Variants in EMC3 observed in about 807,000 individuals in gnomAD.
EMC3 encodes 30 kDa protein.
In EMC3, 13 loss-of-function variants were observed where a neutral mutation model predicts 36.6. The observed-to-expected ratio is 0.35, with a 90% CI of 0.23 to 0.56. The LOEUF (loss-of-function observed/expected upper bound fraction) is 0.56, where lower values mean the gene tolerates loss of function less well. Ranked by LOEUF, EMC3 falls within the 20% of genes least tolerant of loss-of-function variation. The pLI is 0.84. For missense variants in EMC3, 220 were observed against 324.5 expected (o/e 0.68, Z 2.47); for synonymous variants, 120 against 111.9 (o/e 1.07, Z -0.46).
intron 1 of EMC3, among the ~76,000 whole-genome samples, chr3:9,984,851 G>A (rs542302292): frequency 1.3e-5 from 2 of 152,326 alleles, no homozygotes; most frequent in African/African-American, 2.4e-5. Flanking sequence ...CCTGTGTGAC[G>A]CTGTAACGCA....
chr3:9,975,101 G>A (rs1174728958), intron 3 of EMC3, among the ~76,000 whole-genome samples: 1 of 151,836 alleles, frequency 6.6e-6, no homozygotes, highest in Non-Finnish European at 1.5e-5. Flanking sequence ...CTGACCTCAA[G>A]TGATCTGCCT....
At chr3:9,974,535 G>T (rs2085823217) in intron 3 of EMC3, 47 bp from the exon 4 acceptor site, 1 of 1,285,756 alleles carries the variant, frequency 7.8e-7, no homozygotes, top group Non-Finnish European at 1.1e-6. Context: ...TACCTCTGTT[G>T]CCAGGGACTT....
intron 1 of EMC3, among the ~76,000 whole-genome samples, chr3:9,998,441 T>A (rs1019011349): frequency 2.7e-5 from 4 of 149,946 alleles, no homozygotes; most frequent in African/African-American, 7.3e-5. Flanking sequence ...TTTAATTTTT[T>A]TTTTTATGTA....
At chr3:9,990,729 C>G (rs1204919692), upstream of EMC3, among the ~76,000 whole-genome samples, 1 of 151,798 alleles carries the variant, frequency 6.6e-6, no homozygotes, top group African/African-American at 2.4e-5. Context: ...AGGCTAGTCT[C>G]AAACTCCTGA....
intron 4 of EMC3, among the ~76,000 whole-genome samples, 167 bp downstream of exon 4, chr3:9,974,217 C>T (rs1233908449): frequency 1.3e-5 from 2 of 152,156 alleles, no homozygotes; most frequent in Non-Finnish European, 2.9e-5. Context: ...ACGTCATGAA[C>T]TTAGGATCAT....
At chr3:9,973,884 A>T (rs558911768) in intron 4 of EMC3, among the ~76,000 whole-genome samples, 175 bp from the exon 5 acceptor site, 1 of 152,332 alleles carries the variant, frequency 6.6e-6, no homozygotes, top group African/African-American at 2.4e-5. Context: ...ACTCTGCTCT[A>T]GTTTCCCTGA....
In EMC3 at chr3:9,986,716, C is replaced by A; in HGVS notation, c.-55G>T. On this transcript the variant is annotated 5_prime_UTR_variant, in exon 1 of 8. Transcript: ENST00000245046. ...ATGGGCGAGCTTCTCTTCTCCGGGG[C>A]ACAGTTGCTTCTCTTCGGCTTCGCC... 4 of 1,602,754 alleles carry A rather than the reference C, an allele frequency of 2.5e-6. No homozygotes were observed. The highest frequency in any genetic ancestry group is 2.2e-5 in the South Asian group (2 of 90,084).
intron 4 of EMC3, among the ~76,000 whole-genome samples, chr3:9,974,143 G>C (rs1057330570): frequency 6.6e-6 from 1 of 152,142 alleles, no homozygotes; most frequent in Non-Finnish European, 1.5e-5. Flanking sequence ...CGAGAATACC[G>C]TATTAGTTTT....
chr3:9,997,794 A>G (rs1203062324), intron 1 of EMC3, among the ~76,000 whole-genome samples: 2 of 152,074 alleles, frequency 1.3e-5, no homozygotes, highest in Non-Finnish European at 2.9e-5. Context: ...TTTTTTATCC[A>G]TTCATCCATT....
intron 3 of EMC3, among the ~76,000 whole-genome samples, chr3:9,975,729 G>A (rs375306726): frequency 6.0e-5 from 9 of 150,828 alleles, no homozygotes; most frequent in South Asian, 2.1e-4. Flanking sequence ...GGAGAATCGC[G>A]TGAACCCGGG....
At chr3:9,999,456 G>A (rs1005828574) in intron 1 of EMC3, among the ~76,000 whole-genome samples, 7 of 152,086 alleles carry the variant, frequency 4.6e-5, no homozygotes, top group Admixed American at 1.3e-4. Context: ...GGCCAGGATG[G>A]TCTTGATCTC....
intron 1 of EMC3, among the ~76,000 whole-genome samples, chr3:9,995,576 G>T (rs2086112640): frequency 6.6e-6 from 1 of 151,052 alleles, no homozygotes; most frequent in Admixed American, 6.6e-5. Context: ...CCTTAGAATG[G>T]CCATCCAGTG....
At chr3:10,009,552 G>A (rs1022121132) in intron 1 of EMC3, among the ~76,000 whole-genome samples, 1 of 152,200 alleles carries the variant, frequency 6.6e-6, no homozygotes, top group African/African-American at 2.4e-5. Context: ...GAACCATCTA[G>A]AAGCATCACG....
chr3:9,986,766 C>T lies in EMC3; in HGVS notation c.-105G>A, dbSNP rs931841844. ...CTCCGGGCCTTCTCAAGCCCCTTTG[C>T]CCGTGTACCCCAGAACTCTCCTGCG... On this transcript the variant is annotated 5_prime_UTR_variant, in exon 1 of 8. Coordinates refer to ENST00000245046, the MANE Select transcript of EMC3 (RefSeq NM_001394674.1). The T allele has an allele frequency of 3.3e-6, 5 of 1,536,168 alleles. No individual in the cohort carries two copies. In the African/African-American group the frequency reaches 6.9e-5, roughly 21 times the overall value.
chr3:10,001,561 G>C (rs2124937744), intron 1 of EMC3, among the ~76,000 whole-genome samples: 1 of 151,460 alleles, frequency 6.6e-6, no homozygotes, highest in Middle Eastern at 3.4e-3. Context: ...CTGGATGACA[G>C]AGCAAGACTC....
At chr3:10,003,420 G>A (rs1217265678) in intron 1 of EMC3, 2 of 361,270 alleles carry the variant, frequency 5.5e-6, no homozygotes, top group African/African-American at 4.3e-5. Context: ...AAATCAAGTT[G>A]GTGGGGTCAA....
chr3:9,979,619 A>G (rs929956448), intron 1 of EMC3, among the ~76,000 whole-genome samples: 3 of 152,252 alleles, frequency 2.0e-5, no homozygotes, highest in African/African-American at 7.2e-5. Flanking sequence ...CAAAATACAA[A>G]TATCTTACGA....
At chr3:10,007,674 C>T in intron 1 of EMC3, 2 of 1,332,942 alleles carry the variant, frequency 1.5e-6, no homozygotes, top group Non-Finnish European at 2.0e-6. Context: ...AGGTAGGTTC[C>T]AGCTTCCCAG....
intron 1 of EMC3, among the ~76,000 whole-genome samples, chr3:10,002,287 A>ATTTTATTTTATTTTATTTTT (rs1398402506): frequency 6.7e-6 from 1 of 149,264 alleles, no homozygotes; most frequent in African/African-American, 2.5e-5. Flanking sequence ...TTTTTATTTT[A>ATTTTATTTTATTTTATTTTT]TTTTATTTTA....
Sources: allele counts gnomAD v4.1 joint callset (sites outside exome capture counted in the v4.1 genomes callset), GRCh38; gene constraint gnomAD v4.1.1; transcripts MANE v1.5; gene names NCBI Gene and HGNC (gene_info 2026-07-23, HGNC 2026-07-21).